RBFOX3: variants seen among roughly 807,000 people sequenced by gnomAD.
RBFOX3 encodes the protein RNA binding fox-1 homolog 3.
In RBFOX3, 17 loss-of-function variants were observed where a neutral mutation model predicts 48.7. The ratio of observed to expected loss-of-function variants is 0.35; its 90% CI spans 0.24 to 0.52. RBFOX3 has a LOEUF of 0.52. RBFOX3 is among the 20% of genes least tolerant of loss of function. The probability of loss-of-function intolerance (pLI) is 0.94; values close to 1 mark genes in which losing one functional copy is unlikely to be tolerated. For missense variants in RBFOX3, 382 were observed against 497.5 expected (o/e 0.77, Z 2.21); for synonymous variants, 212 against 209.5 (o/e 1.01, Z -0.10).
At chr17:79,176,577 T>C (rs899663777) in intron 4 of RBFOX3, among the ~76,000 whole-genome samples, 2 of 152,244 alleles carry the variant, frequency 1.3e-5, no homozygotes, top group Non-Finnish European at 2.9e-5. Flanking sequence ...TCAGTCCTTC[T>C]GGTCTCGAGT....
chr17:79,466,405 G>A (rs1214820689), intron 2 of RBFOX3, among the ~76,000 whole-genome samples: 3 of 152,186 alleles, frequency 2.0e-5, no homozygotes, highest in Non-Finnish European at 2.9e-5. Flanking sequence ...CAGCACCTGC[G>A]AGTGTTTGCC....
At chr17:79,462,273 C>A (rs1039707089) in intron 2 of RBFOX3, among the ~76,000 whole-genome samples, 17 of 152,226 alleles carry the variant, frequency 1.1e-4, no homozygotes, top group African/African-American at 3.9e-4. Context: ...GCTGCCTGAG[C>A]CTGACTCCCA....
At chr17:79,309,739 G>A (rs2076584441) in intron 2 of RBFOX3, among the ~76,000 whole-genome samples, 1 of 152,162 alleles carries the variant, frequency 6.6e-6, no homozygotes, top group Admixed American at 6.5e-5. Flanking sequence ...CCCCCATGCT[G>A]TTCTTGTGAT....
intron 1 of RBFOX3, among the ~76,000 whole-genome samples, chr17:79,522,845 G>A (rs949932759): frequency 1.4e-5 from 2 of 147,172 alleles, no homozygotes; most frequent in Admixed American, 7.0e-5. Flanking sequence ...CAGGAGAATC[G>A]CTTGAACCTG....
At chr17:79,624,494 G>A in the RBFOX3 span, among the ~76,000 whole-genome samples, 1 of 152,190 alleles carries the variant, frequency 6.6e-6, no homozygotes, top group African/African-American at 2.4e-5. Flanking sequence ...AGGGCAGGGG[G>A]TTTGGTGGAA....
At chr17:79,270,716 C>A (rs2067514438) in intron 3 of RBFOX3, among the ~76,000 whole-genome samples, 2 of 152,174 alleles carry the variant, frequency 1.3e-5, no homozygotes, top group Admixed American at 6.5e-5. Context: ...TTCTGGCGGC[C>A]CTGTTCCTCC....
At chr17:79,177,454 C>T (rs922846411) in intron 4 of RBFOX3, among the ~76,000 whole-genome samples, 18 of 152,210 alleles carry the variant, frequency 1.2e-4, no homozygotes, top group African/African-American at 4.3e-4. Flanking sequence ...GAGGCACATT[C>T]ATTGCATGGC....
intron 2 of RBFOX3, among the ~76,000 whole-genome samples, chr17:79,425,978 CA>C (rs782741083): frequency 1.8e-4 from 28 of 152,174 alleles, no homozygotes; most frequent in Non-Finnish European, 3.2e-4. Flanking sequence ...ACGCGGTGAC[CA>C]GTGTAACACT....
At chr17:79,393,764 G>GTCATCATGCACATAAGAGCTGGTCA (rs1555705377) in intron 2 of RBFOX3, among the ~76,000 whole-genome samples, 66 of 150,560 alleles carry the variant, frequency 4.4e-4, no homozygotes, top group African/African-American at 1.6e-3. Flanking sequence ...ATCAGAGCTG[G>GTCATCATGCACATAAGAGCTGGTCA]TCATCATGCA....
intron 1 of RBFOX3, among the ~76,000 whole-genome samples, chr17:79,579,767 T>A (rs1296493918): frequency 1.2e-4 from 16 of 130,072 alleles, no homozygotes; most frequent in African/African-American, 4.8e-4. Context: ...GGTGGGGGTG[T>A]CACTGGCGCC....
At chr17:79,263,306 C>T (rs567592745) in intron 3 of RBFOX3, among the ~76,000 whole-genome samples, 25 of 152,238 alleles carry the variant, frequency 1.6e-4, no homozygotes, top group Non-Finnish European at 3.1e-4. Flanking sequence ...GGAAGGTGGC[C>T]AGCACTTTTA....
chr17:79,618,200 A>T, the RBFOX3 span, among the ~76,000 whole-genome samples: 1 of 152,194 alleles, frequency 6.6e-6, no homozygotes, highest in Non-Finnish European at 1.5e-5. Context: ...ATAGCCTAAA[A>T]AACACACAAG....
intron 1 of RBFOX3, among the ~76,000 whole-genome samples, chr17:79,489,016 T>C (rs1469855731): frequency 2.0e-5 from 3 of 151,948 alleles, no homozygotes; most frequent in African/African-American, 7.2e-5. Flanking sequence ...GCTTATCTTT[T>C]GTTTTGTTTT....
the RBFOX3 span, among the ~76,000 whole-genome samples, chr17:79,640,269 T>A: frequency 6.6e-6 from 1 of 152,012 alleles, no homozygotes; most frequent in Non-Finnish European, 1.5e-5. Flanking sequence ...GCTTGTACAG[T>A]GAAAATTATA....
At chr17:79,456,463 T>A (rs1555745015) in intron 2 of RBFOX3, among the ~76,000 whole-genome samples, 1 of 151,952 alleles carries the variant, frequency 6.6e-6, no homozygotes, top group Non-Finnish European at 1.5e-5. Context: ...GACATTGCCA[T>A]GCATCCCCTG....
At chr17:79,345,204 T>G (rs1054099238) in intron 2 of RBFOX3, among the ~76,000 whole-genome samples, 1 of 152,204 alleles carries the variant, frequency 6.6e-6, no homozygotes, top group Non-Finnish European at 1.5e-5. Context: ...TTGGTTTGTT[T>G]TGTTTGAAGA....
intron 4 of RBFOX3, among the ~76,000 whole-genome samples, chr17:79,144,189 A>T (rs957429055): frequency 3.9e-5 from 6 of 152,200 alleles, no homozygotes; most frequent in African/African-American, 4.8e-5. Flanking sequence ...CCTCTGAGCC[A>T]GGCCAGGCCC....
intron 4 of RBFOX3, among the ~76,000 whole-genome samples, chr17:79,206,859 G>A (rs1024440209): frequency 2.0e-5 from 3 of 152,164 alleles, no homozygotes; most frequent in Admixed American, 6.5e-5. Context: ...ACTGGATTGA[G>A]TCTTGGAACC....
intron 1 of RBFOX3, among the ~76,000 whole-genome samples, chr17:79,589,787 G>T (rs2093364268): frequency 6.6e-6 from 1 of 152,124 alleles, no homozygotes; most frequent in Admixed American, 6.5e-5. Context: ...GTCCCACCAT[G>T]GGGGGTCTGT....
Sources: gnomAD v4.1 joint callset for allele counts (sites outside exome capture counted in the v4.1 genomes callset) on GRCh38, gnomAD v4.1.1 for gene constraint, MANE v1.5 for transcripts, NCBI Gene and HGNC (gene_info 2026-07-23, HGNC 2026-07-21) for gene names.